Variants in ZNF519 observed in about 807,000 individuals in gnomAD.
ZNF519 encodes the protein similar to Zinc finger protein 85 (Zinc finger protein HPF4) (HTF1).
Under a neutral mutation model 7.4 loss-of-function variants are expected in ZNF519, and 7 were observed. The observed-to-expected ratio is 0.94, with a 90% CI of 0.54 to 1.77. The LOEUF (loss-of-function observed/expected upper bound fraction) is 1.77, where lower values mean the gene tolerates loss of function less well. Ranked by LOEUF, ZNF519 falls within the 40% of genes most tolerant of loss-of-function variation. ZNF519 has a pLI of 0.00. For synonymous variants in ZNF519, 179 were observed against 203.3 expected (o/e 0.88, Z 1.02); for missense variants, 586 against 623.1 (o/e 0.94, Z 0.63).
In ZNF519 at chr18:14,104,721, T is replaced by C; in HGVS notation, c.*196A>G. 3 of 474,058 alleles carry C rather than the reference T, an allele frequency of 6.3e-6. No individual in the cohort carries two copies. Among genetic ancestry groups the C allele is most frequent in the East Asian group, 3.2e-5 (1 of 30,982 alleles). The allele number at this position is 474,058 out of a possible 1,614,324, so 29.4% of individuals were successfully genotyped here. Reference sequence around the variant, plus strand: ...TTATTTGTTATAATAAACACACTGATTCAGAGTAATTTACGGAAGTGCTAG... The same window carrying C: ...TTATTTGTTATAATAAACACACTGACTCAGAGTAATTTACGGAAGTGCTAG... On this transcript the variant is annotated 3_prime_UTR_variant, in exon 3 of 3. Coordinates refer to ENST00000590202, the MANE Select transcript of ZNF519 (RefSeq NM_145287.4).
chr18:14,074,110 G>GTAT (rs2046038211), downstream of ZNF519: 1 of 152,202 alleles, frequency 6.6e-6, no homozygotes, highest in Non-Finnish European at 1.5e-5. Flanking sequence ...ATGAAGCTCT[G>GTAT]CAGCAGAGTC....
intron 1 of ZNF519, among the ~76,000 whole-genome samples, chr18:14,128,690 AACACACACACACACACAC>A (rs71366097): frequency 7.7e-6 from 1 of 130,558 alleles, no homozygotes; most frequent in Non-Finnish European, 1.6e-5. Context: ...TTCTGAGTCA[AACACACACACACACACAC>A]ACACACACAC....
At chr18:14,095,177 A>C (rs951211015), downstream of ZNF519, among the ~76,000 whole-genome samples, 1 of 152,100 alleles carries the variant, frequency 6.6e-6, no homozygotes, top group Non-Finnish European at 1.5e-5. Flanking sequence ...GCCCAGAGGA[A>C]CTAGAGCAAA....
At chr18:14,084,659 C>T (rs1255443496) in intron 3 of ZNF519, among the ~76,000 whole-genome samples, 1 of 152,094 alleles carries the variant, frequency 6.6e-6, no homozygotes, top group Admixed American at 6.5e-5. Context: ...AGCCTTAGCC[C>T]CCAAACTGCA....
intron 2 of ZNF519, among the ~76,000 whole-genome samples, chr18:14,119,850 T>G (rs1269658644): frequency 6.6e-6 from 1 of 152,208 alleles, no homozygotes; most frequent in South Asian, 2.1e-4. Flanking sequence ...AAAAGAAGTT[T>G]AATCAAAATA....
intron 1 of ZNF519, 41 bp downstream of exon 1, chr18:14,132,234 C>T (rs2846967): frequency 2.5e-6 from 4 of 1,611,926 alleles, no homozygotes; most frequent in Middle Eastern, 1.7e-4. Flanking sequence ...TTCCAAGGAG[C>T]CCCCTCCCCA....
At chr18:14,072,333 A>C (rs898393289), downstream of ZNF519, 1 of 152,160 alleles carries the variant, frequency 6.6e-6, no homozygotes, top group Non-Finnish European at 1.5e-5. Flanking sequence ...CTCGGTTTAT[A>C]ATCATAGCCA....
intron 2 of ZNF519, chr18:14,122,470 C>A (rs867321073): frequency 6.6e-6 from 1 of 152,084 alleles, no homozygotes; most frequent in Non-Finnish European, 1.5e-5. Flanking sequence ...GAAAAAGATA[C>A]TTTAACATAG....
At chr18:14,127,905 T>C (rs2143173391) in intron 1 of ZNF519, among the ~76,000 whole-genome samples, 1 of 151,472 alleles carries the variant, frequency 6.6e-6, no homozygotes, top group South Asian at 2.1e-4. Context: ...CCCTCTAAAG[T>C]GAAGCCTGGT....
chr18:14,092,145 G>A (rs1156989573), intron 2 of ZNF519, among the ~76,000 whole-genome samples: 1 of 152,156 alleles, frequency 6.6e-6, no homozygotes, highest in African/African-American at 2.4e-5. Context: ...TGGAGGTAAC[G>A]ATGGAGAGAT....
At chr18:14,091,279 A>C (rs1014854651) in intron 2 of ZNF519, among the ~76,000 whole-genome samples, 4 of 152,168 alleles carry the variant, frequency 2.6e-5, no homozygotes, top group African/African-American at 9.7e-5. Flanking sequence ...TTTTTAAAGA[A>C]ATCCTCTTGG....
At chr18:14,129,047 A>G (rs1352602352) in intron 1 of ZNF519, among the ~76,000 whole-genome samples, 1 of 152,146 alleles carries the variant, frequency 6.6e-6, no homozygotes, top group Non-Finnish European at 1.5e-5. Flanking sequence ...AGATGCTATC[A>G]AGAACTATGG....
At chr18:14,127,192 T>C (rs1006386710) in intron 1 of ZNF519, among the ~76,000 whole-genome samples, 3 of 152,180 alleles carry the variant, frequency 2.0e-5, no homozygotes, top group African/African-American at 7.2e-5. Flanking sequence ...CAGGATTCTG[T>C]TGACACCAGA....
In ZNF519 at chr18:14,112,211, AAAAG is replaced by A. The variant is rs1354093153; in HGVS notation, c.131-5806_131-5803del. ...AATTAATGTAATACATCATATCAAC[AAAAG>A]AAAGAACAAAAACCAAGATCATTTT... On this transcript the variant is annotated intron_variant, in intron 2 of 2. Coordinates refer to ENST00000590202, the MANE Select transcript of ZNF519 (RefSeq NM_145287.4). Among the ~76,000 whole-genome samples the A allele has an allele frequency of 3.3e-5, 5 of 152,286 alleles. No homozygotes were observed. The East Asian group carries it at 5.8e-4, about 18-fold the overall frequency.
intron 2 of ZNF519, among the ~76,000 whole-genome samples, chr18:14,113,395 C>G (rs1350277061): frequency 6.6e-6 from 1 of 152,188 alleles, no homozygotes; most frequent in Non-Finnish European, 1.5e-5. Flanking sequence ...AAACTCCCTC[C>G]CTGCTTTGAG....
chr18:14,076,061 A>G (rs572432421), exon 5 of ZNF519: 1 of 152,264 alleles, frequency 6.6e-6, no homozygotes, highest in South Asian at 2.1e-4. Flanking sequence ...AGAAAGGCTA[A>G]ATAACAGCTA....
At position 14,114,857 on chromosome 18, in the gene ZNF519, A is replaced by G. The variant is rs572921343; in HGVS notation, c.131-8448T>C. Among the ~76,000 whole-genome samples the G allele has an allele frequency of 1.4e-4, 22 of 152,306 alleles. No individual in the cohort carries two copies. The South Asian group carries it at 4.4e-3, about 30-fold the overall frequency. On this transcript the variant is annotated intron_variant, in intron 2 of 2. Transcript: ENST00000590202. ...AGTAATGAATACACCATTTACCCTG[A>G]TGTGATTTTTATGCATTTCATGGCT... is the stretch of plus-strand genomic sequence containing the variant.
chr18:14,130,883 C>CT (rs1356704669), intron 1 of ZNF519, among the ~76,000 whole-genome samples: 33 of 151,384 alleles, frequency 2.2e-4, no homozygotes, highest in Non-Finnish European at 3.0e-4. Context: ...CCAAGGGATT[C>CT]TTTTTTTACA....
chr18:14,090,292 A>G (rs770211422), intron 2 of ZNF519: 12 of 152,190 alleles, frequency 7.9e-5, no homozygotes, highest in Non-Finnish European at 1.2e-4. Context: ...TAGAAATGCC[A>G]GGCTAGAGAG....
Sources: gnomAD v4.1 joint callset for allele counts (sites outside exome capture counted in the v4.1 genomes callset) on GRCh38, gnomAD v4.1.1 for gene constraint, MANE v1.5 for transcripts, NCBI Gene and HGNC (gene_info 2026-07-23, HGNC 2026-07-21) for gene names.